The following SYT16 variants were observed in gnomAD, a reference collection of about 807,000 sequenced individuals.
SYT16 encodes the protein synaptotagmin 16.
A neutral mutation model predicts 61.4 loss-of-function variants in SYT16; 42 were observed. The ratio of observed to expected loss-of-function variants is 0.68; its 90% CI spans 0.53 to 0.89. SYT16 has a LOEUF of 0.89. Among genes scored for constraint, SYT16 ranks in the 40% least tolerant of loss-of-function variants. SYT16 has a pLI of 0.00. For synonymous variants in SYT16, 314 were observed against 302.3 expected (o/e 1.04, Z -0.40); for missense variants, 804 against 807.3 (o/e 1.00, Z 0.05).
intron 1 of SYT16, among the ~76,000 whole-genome samples, chr14:61,831,586 T>A (rs1447948068): frequency 6.6e-6 from 1 of 152,208 alleles, no homozygotes; most frequent in African/African-American, 2.4e-5. Flanking sequence ...TAAACTGCCA[T>A]ATGCTGAAGC....
chr14:61,990,277 ACTACT>A (rs1379323673), intron 2 of SYT16, among the ~76,000 whole-genome samples: 1 of 152,234 alleles, frequency 6.6e-6, no homozygotes, highest in Non-Finnish European at 1.5e-5. Context: ...TAGCTTTATG[ACTACT>A]CTAGTAAGTC....
chr14:62,104,721 T>G lies in SYT16; in HGVS notation c.*4014T>G, dbSNP rs769881197. 6.6e-6 allele frequency: 1 copy of G among 152,246 alleles called. No homozygotes were observed. Among genetic ancestry groups the G allele is most frequent in the Non-Finnish European group, 1.5e-5 (1 of 68,040 alleles). The allele number at this position is 152,246 out of a possible 1,614,324, so 9.4% of individuals were successfully genotyped here. On this transcript the variant is annotated 3_prime_UTR_variant, in exon 8 of 8. Coordinates refer to ENST00000683842, the MANE Select transcript of SYT16 (RefSeq NM_001367656.1). Reference sequence around the variant, plus strand: ...AGCACAGTGAAGTTGGCACAAACTGTGATCCTGGCCTGGGTTTACATGAAA... The same window carrying G: ...AGCACAGTGAAGTTGGCACAAACTGGGATCCTGGCCTGGGTTTACATGAAA...
At chr14:62,095,512 A>C (rs1278459535) in intron 7 of SYT16, among the ~76,000 whole-genome samples, 1 of 151,924 alleles carries the variant, frequency 6.6e-6, no homozygotes, top group Admixed American at 6.6e-5. Context: ...CAAAATATCT[A>C]CGATACCAAA....
intron 7 of SYT16, among the ~76,000 whole-genome samples, chr14:62,087,880 A>G (rs1056628375): frequency 6.6e-6 from 1 of 152,064 alleles, no homozygotes; most frequent in Admixed American, 6.5e-5. Context: ...GATGGGCTGG[A>G]GGTAGTGGGG....
chr14:61,813,856 A>G (rs2045346214), intron 1 of SYT16, among the ~76,000 whole-genome samples: 1 of 147,988 alleles, frequency 6.8e-6, no homozygotes, highest in South Asian at 2.1e-4. Context: ...TGGGAAAATG[A>G]GATGTCAAAA....
intron 2 of SYT16, among the ~76,000 whole-genome samples, chr14:61,976,818 C>T (rs527831964): frequency 6.9e-4 from 105 of 152,244 alleles, no homozygotes; most frequent in African/African-American, 2.4e-3. Context: ...ACATTTGGCT[C>T]CTTATTACTT....
At chr14:61,941,969 T>A (rs1460074467) in intron 1 of SYT16, among the ~76,000 whole-genome samples, 2 of 152,220 alleles carry the variant, frequency 1.3e-5, no homozygotes, top group African/African-American at 2.4e-5. Context: ...TATAAAAAAA[T>A]ATTACTCATC....
chr14:61,867,253 AT>A (rs1166644743), intron 1 of SYT16, among the ~76,000 whole-genome samples: 1 of 151,970 alleles, frequency 6.6e-6, no homozygotes, highest in African/African-American at 2.4e-5. Flanking sequence ...TTCCATGTCA[AT>A]TTTAGAATTA....
chr14:61,910,485 TG>T (rs147429365), intron 1 of SYT16, among the ~76,000 whole-genome samples: 8,291 of 150,182 alleles, frequency 0.055, 773 homozygotes, highest in African/African-American at 0.19. Flanking sequence ...GTGATCCACC[TG>T]CCTTGGCCTC....
intron 1 of SYT16, among the ~76,000 whole-genome samples, chr14:61,867,943 C>T (rs1393426897): frequency 6.6e-6 from 1 of 152,010 alleles, no homozygotes; most frequent in African/African-American, 2.4e-5. Context: ...TTTAACTAGT[C>T]TGTTAATATG....
Position 62,066,841 on chromosome 14 carries a change from A to G in SYT16, c.524-2762A>G, listed in dbSNP as rs1249936730. On this transcript the variant is annotated intron_variant, in intron 3 of 7. Transcript: ENST00000683842. ...GATGTGCTCCTCGCCCTCATGGTATATGCAGATTAGGTGGGGTAACTTGCA... is the reference window on the plus strand; with the variant it reads ...GATGTGCTCCTCGCCCTCATGGTATGTGCAGATTAGGTGGGGTAACTTGCA... Among the ~76,000 whole-genome samples the G allele has an allele frequency of 2.6e-5, 4 of 152,224 alleles. No individual in the cohort carries two copies. The East Asian group carries it at 7.7e-4, about 29-fold the overall frequency.
rs1209569657 is a variant in SYT16, at chr14:61,946,353, A to ATGCGTGGAATATCCACTCATGGAT, written c.-324-23778_-324-23755dup. On this transcript the variant is annotated intron_variant, in intron 1 of 7. Transcript: ENST00000683842. ...AGCTAAACAATAAGTACACATGGATATGCGTGGAATATCCACTCATGGATA... is the reference window on the plus strand; with the variant it reads ...AGCTAAACAATAAGTACACATGGATATGCGTGGAATATCCACTCATGGATTGCGTGGAATATCCACTCATGGATA... Among the ~76,000 whole-genome samples, 3 of 152,320 alleles carry ATGCGTGGAATATCCACTCATGGAT rather than the reference A, an allele frequency of 2.0e-5. No individual in the cohort carries two copies. The East Asian group carries it at 5.8e-4, about 29-fold the overall frequency.
intron 5 of SYT16, among the ~76,000 whole-genome samples, chr14:62,079,649 A>T (rs1449718485): frequency 6.6e-6 from 1 of 152,260 alleles, no homozygotes; most frequent in Non-Finnish European, 1.5e-5. Context: ...TAAATTAGCA[A>T]GTTCTGGTGT....
chr14:61,853,962 C>T (rs1358965853), intron 1 of SYT16, among the ~76,000 whole-genome samples: 1 of 152,032 alleles, frequency 6.6e-6, no homozygotes, highest in Non-Finnish European at 1.5e-5. Context: ...CATATTGATA[C>T]TGTAAGTCAA....
At chr14:61,929,402 C>T (rs1396112512) in intron 1 of SYT16, among the ~76,000 whole-genome samples, 1 of 152,102 alleles carries the variant, frequency 6.6e-6, no homozygotes, top group African/African-American at 2.4e-5. Context: ...GGGGAGGATG[C>T]GTACAAGTCA....
At chr14:61,984,655 T>G (rs2052226965) in intron 2 of SYT16, among the ~76,000 whole-genome samples, 1 of 152,092 alleles carries the variant, frequency 6.6e-6, no homozygotes, top group African/African-American at 2.4e-5. Context: ...TGTCTTTTAG[T>G]GAGAAATTGG....
In SYT16 at chr14:62,039,834, T is replaced by TACACACACACAC. The variant is rs71449576; in HGVS notation, c.524-29736_524-29725dup. Among the ~76,000 whole-genome samples, 132 of 124,426 alleles carry TACACACACACAC rather than the reference T, an allele frequency of 1.1e-3. 4 individuals are homozygous for TACACACACACAC. The East Asian group carries it at 0.014, about 13-fold the overall frequency. The allele number at this position is 124,426 out of a possible 152,430, so 81.6% of individuals were successfully genotyped here. The stretch of plus-strand genomic sequence containing the variant: ...AGCCAAATTCAGAGGGGCTTAAGCA[T>TACACACACACAC]ACACACACACACACACACACACACA... On this transcript the variant is annotated intron_variant, in intron 3 of 7. Transcript: ENST00000683842.
intron 1 of SYT16, among the ~76,000 whole-genome samples, chr14:61,860,688 G>T (rs1377483301): frequency 1.3e-5 from 2 of 152,194 alleles, no homozygotes; most frequent in African/African-American, 4.8e-5. Flanking sequence ...CAAGAGAATG[G>T]GAGAAAATGG....
intron 7 of SYT16, among the ~76,000 whole-genome samples, chr14:62,091,710 T>G (rs1037239261): frequency 2.0e-5 from 3 of 152,172 alleles, no homozygotes; most frequent in African/African-American, 7.2e-5. Flanking sequence ...GAACTCAAAA[T>G]GGATGAAAGA....
Sources: gnomAD v4.1 joint callset for allele counts (sites outside exome capture counted in the v4.1 genomes callset) on GRCh38, gnomAD v4.1.1 for gene constraint, MANE v1.5 for transcripts, NCBI Gene and HGNC (gene_info 2026-07-23, HGNC 2026-07-21) for gene names.